The following GNAI3 variants were observed in gnomAD, a reference collection of about 807,000 sequenced individuals.
GNAI3 encodes G protein subunit alpha i3.
A neutral mutation model predicts 41.8 loss-of-function variants in GNAI3; 12 were observed. That is an observed-to-expected ratio of 0.29 (90% CI 0.18 to 0.47). GNAI3 has a LOEUF of 0.47. Among genes scored for constraint, GNAI3 ranks in the 20% least tolerant of loss-of-function variants. The pLI is 1.00. For missense variants in GNAI3, 360 were observed against 429.6 expected (o/e 0.84, Z 1.43); for synonymous variants, 132 against 146.5 (o/e 0.90, Z 0.71).
At position 109,586,201 on chromosome 1, in the gene GNAI3, T is replaced by C. The variant is rs375927199; in HGVS notation, c.591-15T>C. ...GTGTGACCTTGCTGAATTTGCTTTC[T>C]TTCCCCTTGCGCAGGATGTTTGATG... On this transcript the variant is annotated splice_polypyrimidine_tract_variant and intron_variant, in intron 5 of 8. Coordinates refer to ENST00000369851, the MANE Select transcript of GNAI3 (RefSeq NM_006496.4). The C allele has an allele frequency of 1.2e-6, 2 of 1,611,464 alleles. No individual in the cohort carries two copies. The highest frequency in any genetic ancestry group is 3.3e-5 in the Admixed American group (2 of 59,814).
chr1:109,554,193 C>G (rs540603394), intron 1 of GNAI3, among the ~76,000 whole-genome samples: 3 of 152,122 alleles, frequency 2.0e-5, no homozygotes, highest in East Asian at 3.9e-4. Flanking sequence ...TATAAACATG[C>G]GTATGCAAGT....
intron 1 of GNAI3, 144 bp from the exon 2 acceptor site, chr1:109,573,593 C>T: frequency 1.6e-6 from 1 of 641,324 alleles, no homozygotes. Context: ...AAGCTCCATA[C>T]ATTTTCTTGA....
rs1233305394 is a variant in GNAI3 at position 109,551,018 on chromosome 1, A to G, written c.118+2180A>G. 2.0e-5 allele frequency among the ~76,000 whole-genome samples: 3 copies of G among 152,226 alleles called. No individual in the cohort carries two copies. In the South Asian group the frequency reaches 6.2e-4, roughly 32 times the overall value. ...GGCAGGCAGAATTTGGATAGGCGGA[A>G]CTTGTCCAGATGTCTAGAAGAATTT... On this transcript the variant is annotated intron_variant, in intron 1 of 8. Coordinates refer to ENST00000369851, the MANE Select transcript of GNAI3 (RefSeq NM_006496.4).
At chr1:109,575,903 T>A (rs1208586605) in intron 3 of GNAI3, among the ~76,000 whole-genome samples, 1 of 152,246 alleles carries the variant, frequency 6.6e-6, no homozygotes, top group Non-Finnish European at 1.5e-5. Context: ...CAGATGCAGT[T>A]GACATCATTA....
At position 109,592,093 on chromosome 1, in the gene GNAI3, G is replaced by A. The variant is rs1649187631; in HGVS notation, c.925G>A (p.Asp309Asn). Reference protein sequence around the residue: ...AAAYIQCQFEDLNRRKDTKEI... With the variant: ...AAAYIQCQFENLNRRKDTKEI... ...TGCCTATATTCAATGCCAGTTTGAA[G>A]ATCTGAACAGAAGAAAAGATACCAA... The change falls in exon 8 of 9, where the codon GAT becomes AAT. Residue 309 changes from aspartate to asparagine, a missense_variant. By Grantham distance (23) the Asp-to-Asn change is conservative. Transcript: ENST00000369851. 6.2e-7 allele frequency: 1 copy of A among 1,612,866 alleles called. No homozygotes were observed. The highest frequency in any genetic ancestry group is 1.3e-5 in the African/African-American group (1 of 74,892).
chr1:109,574,291 T>A (rs1220662063), intron 3 of GNAI3, among the ~76,000 whole-genome samples: 1 of 151,524 alleles, frequency 6.6e-6, no homozygotes, highest in African/African-American at 2.4e-5. Context: ...TCTATTCAAT[T>A]GCTTTTTTTT....
rs1363776594 is a variant in GNAI3, at chr1:109,594,140, A to T, written c.*1818A>T. Reference sequence around the variant, plus strand: ...ATCTGAAAGAAAATTATCAGCTTCAATTGGCGATTGATTCAGTGCCCACAA... The same window carrying T: ...ATCTGAAAGAAAATTATCAGCTTCATTTGGCGATTGATTCAGTGCCCACAA... On this transcript the variant is annotated 3_prime_UTR_variant, in exon 9 of 9. Coordinates refer to ENST00000369851, the MANE Select transcript of GNAI3 (RefSeq NM_006496.4). 6.6e-6 allele frequency: 1 copy of T among 152,620 alleles called. No individual in the cohort carries two copies. Among genetic ancestry groups the T allele is most frequent in the African/African-American group, 2.4e-5 (1 of 41,542 alleles). 9.5% of individuals were successfully genotyped at this position (152,620 alleles called of 1,614,324 possible). A position where few individuals can be genotyped will look rare whatever the true frequency, so the allele number is the denominator to read the frequency against.
chr1:109,573,831 A>G (rs1648669788), intron 2 of GNAI3, 52 bp downstream of exon 2: 1 of 1,591,188 alleles, frequency 6.3e-7, no homozygotes, highest in South Asian at 1.1e-5. Flanking sequence ...TAATGCATAT[A>G]AAGTCCATAG....
At chr1:109,566,873 T>C (rs1648468348) in intron 1 of GNAI3, among the ~76,000 whole-genome samples, 1 of 152,150 alleles carries the variant, frequency 6.6e-6, no homozygotes, top group Non-Finnish European at 1.5e-5. Flanking sequence ...TGAAATGTCA[T>C]TTATAACCTT....
intron 1 of GNAI3, among the ~76,000 whole-genome samples, chr1:109,573,111 G>A (rs549072781): frequency 2.6e-5 from 4 of 152,148 alleles, no homozygotes; most frequent in African/African-American, 9.7e-5. Flanking sequence ...AGGAAAATGA[G>A]TTGACTAGGG....
At chr1:109,573,829 A>G (rs1238158706) in intron 2 of GNAI3, 50 bp downstream of exon 2, 10 of 1,589,416 alleles carry the variant, frequency 6.3e-6, no homozygotes, top group East Asian at 4.5e-5. Context: ...CCTAATGCAT[A>G]TAAAGTCCAT....
chr1:109,567,970 T>C (rs1648498085), intron 1 of GNAI3, among the ~76,000 whole-genome samples: 3 of 138,084 alleles, frequency 2.2e-5, no homozygotes, highest in Non-Finnish European at 1.5e-5. Context: ...CAGGGGATAG[T>C]GTTTTTTTTT....
intron 1 of GNAI3, among the ~76,000 whole-genome samples, chr1:109,556,992 G>C (rs1284212106): frequency 6.6e-6 from 1 of 152,142 alleles, no homozygotes; most frequent in Non-Finnish European, 1.5e-5. Context: ...CTGGAGTGTA[G>C]TGGCATGATC....
rs551826423 is a variant in GNAI3, at chr1:109,598,980, T to A, written c.*6658T>A. 1 of 534,874 alleles carries A rather than the reference T, an allele frequency of 1.9e-6. No individual in the cohort carries two copies. Among genetic ancestry groups the A allele is most frequent in the East Asian group, 5.4e-5 (1 of 18,366 alleles). 33.1% of individuals were successfully genotyped at this position (534,874 alleles called of 1,614,324 possible). Reference sequence around the variant, plus strand: ...ACCCAGCATGGCCGGCACACTTTGGTCTACGGCACATCTCCAAGTATAGAG... The same window carrying A: ...ACCCAGCATGGCCGGCACACTTTGGACTACGGCACATCTCCAAGTATAGAG... On this transcript the variant is annotated 3_prime_UTR_variant, in exon 9 of 9. Coordinates refer to ENST00000369851, the MANE Select transcript of GNAI3 (RefSeq NM_006496.4).
intron 1 of GNAI3, among the ~76,000 whole-genome samples, chr1:109,564,129 T>C (rs1427606653): frequency 6.6e-6 from 1 of 151,794 alleles, no homozygotes; most frequent in Non-Finnish European, 1.5e-5. Context: ...TGTTAGAATA[T>C]AGAAAGGTGT....
chr1:109,571,645 C>T (rs1389328619), intron 1 of GNAI3, among the ~76,000 whole-genome samples: 1 of 152,104 alleles, frequency 6.6e-6, no homozygotes, highest in South Asian at 2.1e-4. Flanking sequence ...GGGCCGGGTG[C>T]GATTGCTCAC....
At chr1:109,578,928 C>T (rs534261246) in intron 3 of GNAI3, among the ~76,000 whole-genome samples, 1 of 152,118 alleles carries the variant, frequency 6.6e-6, no homozygotes, top group East Asian at 1.9e-4. Flanking sequence ...GATTTGTGGG[C>T]TGGCCAGAAA....
Position 109,590,558 on chromosome 1 carries a change from T to C in GNAI3, c.875-1485T>C, listed in dbSNP as rs1190815878. Among the ~76,000 whole-genome samples the C allele has an allele frequency of 3.3e-5, 5 of 152,070 alleles. No homozygotes were observed. The East Asian group carries it at 9.6e-4, about 29-fold the overall frequency. On this transcript the variant is annotated intron_variant, in intron 7 of 8. Coordinates refer to ENST00000369851, the MANE Select transcript of GNAI3 (RefSeq NM_006496.4). ...GTTTTCCTTCAGTTCTTTAAATATT[T>C]TAATTAATATTCTTTTCCTTTCCTT...
rs1219150524 is a variant in GNAI3, at chr1:109,600,090, G to A, written c.*7768G>A. 1 of 150,982 alleles carries A rather than the reference G, an allele frequency of 6.6e-6. No individual in the cohort carries two copies. The highest frequency in any genetic ancestry group is 2.4e-5 in the African/African-American group (1 of 40,952). The allele number at this position is 150,982 out of a possible 1,614,324, so 9.4% of individuals were successfully genotyped here. A position where few individuals can be genotyped will look rare whatever the true frequency, so the allele number is the denominator to read the frequency against. ...GCAGTCTTAAGAATTAAGGTTGCAT[G>A]CCAGAAAATAGGGTTAAATATTTGT... On this transcript the variant is annotated 3_prime_UTR_variant, in exon 9 of 9. Coordinates refer to ENST00000369851, the MANE Select transcript of GNAI3 (RefSeq NM_006496.4).
Sources: gnomAD v4.1 joint callset for allele counts (sites outside exome capture counted in the v4.1 genomes callset) on GRCh38, gnomAD v4.1.1 for gene constraint, MANE v1.5 for transcripts, NCBI Gene and HGNC (gene_info 2026-07-23, HGNC 2026-07-21) for gene names.